ARFGAP3: variants seen among roughly 807,000 people sequenced by gnomAD.
ARFGAP3 encodes ARF GTPase activating protein 3.
A neutral mutation model predicts 75.0 loss-of-function variants in ARFGAP3; 72 were observed. That is an observed-to-expected ratio of 0.96 (90% CI 0.79 to 1.17). The LOEUF is 1.17. Among genes scored for constraint, ARFGAP3 ranks in the 50% most tolerant of loss-of-function variants. ARFGAP3 has a pLI of 0.00. For synonymous variants in ARFGAP3, 221 were observed against 217.9 expected (o/e 1.01, Z -0.13); for missense variants, 620 against 626.6 (o/e 0.99, Z 0.11).
At position 42,857,251 on chromosome 22, in the gene ARFGAP3, C is replaced by T. The variant is rs2146598479; in HGVS notation, c.-69G>A. ...AGAGTCGACGAAAAGCGGCTACCGC[C>T]TCAGCAGGAGCGACGAGGCCGCGGG... On this transcript the variant is annotated 5_prime_UTR_variant, in exon 1 of 16. Transcript: ENST00000263245. 2 of 1,483,676 alleles carry T rather than the reference C, an allele frequency of 1.3e-6. No homozygotes were observed. Among genetic ancestry groups the T allele is most frequent in the South Asian group, 2.5e-5 (2 of 78,696 alleles). 91.9% of individuals were successfully genotyped at this position (1,483,676 alleles called of 1,614,324 possible).
chr22:42,841,065 G>A (rs1055434131), intron 2 of ARFGAP3, 49 bp from the exon 3 acceptor site: 1 of 1,587,504 alleles, frequency 6.3e-7, no homozygotes, highest in African/African-American at 1.4e-5. Context: ...ATCCCCAGGA[G>A]CAAAATCAGT....
At position 42,839,857 on chromosome 22, in the gene ARFGAP3, G is replaced by A. The variant is rs556523886; in HGVS notation, c.261+1087C>T. 6.6e-4 allele frequency among the ~76,000 whole-genome samples: 100 copies of A among 152,116 alleles called. 1 individual carries two copies. The highest frequency in any genetic ancestry group is 1.0e-3 in the Admixed American group (16 of 15,262). ...GCCCCTGTCTATAAGAGGGGATCTT[G>A]ATTATTTTTATTTATAATAAAATAT... On this transcript the variant is annotated intron_variant, in intron 3 of 15. Coordinates refer to ENST00000263245, the MANE Select transcript of ARFGAP3 (RefSeq NM_014570.5).
intron 2 of ARFGAP3, among the ~76,000 whole-genome samples, chr22:42,841,680 T>C (rs1926787607): frequency 6.6e-6 from 1 of 151,850 alleles, no homozygotes; most frequent in Admixed American, 6.6e-5. Flanking sequence ...TCCACAGAAA[T>C]GAGCAAAAAG....
chr22:42,798,655 C>G (rs1924714464), intron 15 of ARFGAP3, among the ~76,000 whole-genome samples: 1 of 151,866 alleles, frequency 6.6e-6, no homozygotes, highest in African/African-American at 2.4e-5. Flanking sequence ...ATATGTATAT[C>G]TTTTTAATCT....
intron 2 of ARFGAP3, among the ~76,000 whole-genome samples, chr22:42,842,256 T>C (rs1244978086): frequency 6.6e-6 from 1 of 151,262 alleles, no homozygotes; most frequent in African/African-American, 2.4e-5. Flanking sequence ...CCACCCACCT[T>C]GGCCTCCCAA....
At chr22:42,843,319 C>T (rs1335793302) in intron 2 of ARFGAP3, among the ~76,000 whole-genome samples, 2 of 152,234 alleles carry the variant, frequency 1.3e-5, no homozygotes, top group Non-Finnish European at 2.9e-5. Flanking sequence ...CAAAAAGTCG[C>T]TACAAAGCAT....
chr22:42,809,548 G>C (rs890876296), intron 12 of ARFGAP3, among the ~76,000 whole-genome samples: 4 of 152,060 alleles, frequency 2.6e-5, no homozygotes, highest in Admixed American at 1.3e-4. Flanking sequence ...CCAGGGGCCA[G>C]GGGCAGGGGA....
intron 11 of ARFGAP3, 47 bp downstream of exon 11, chr22:42,817,095 C>T (rs200097651): frequency 2.3e-6 from 3 of 1,288,302 alleles, no homozygotes; most frequent in Non-Finnish European, 2.3e-6. Flanking sequence ...CCATACTAGT[C>T]ACTGCTTTTC....
chr22:42,841,858 C>T (rs774801625), intron 2 of ARFGAP3, among the ~76,000 whole-genome samples: 13 of 142,640 alleles, frequency 9.1e-5, no homozygotes, highest in Non-Finnish European at 1.5e-5. Context: ...CTTATATTTA[C>T]TAATTTCTTT....
At chr22:42,855,853 C>G (rs2146596097) in intron 1 of ARFGAP3, among the ~76,000 whole-genome samples, 1 of 143,890 alleles carries the variant, frequency 6.9e-6, no homozygotes, top group Admixed American at 7.2e-5. Context: ...GACCCTGTCT[C>G]TACAAAAATT....
chr22:42,836,967 C>T (rs5758972), intron 3 of ARFGAP3, among the ~76,000 whole-genome samples: 68,422 of 152,046 alleles, frequency 0.45, 15,890 homozygotes, highest in Non-Finnish European at 0.48. Context: ...CTGGCTAAAC[C>T]GAATGACCAC....
At chr22:42,811,122 T>C in intron 11 of ARFGAP3, 178 bp from the exon 12 acceptor site, 5 of 563,062 alleles carry the variant, frequency 8.9e-6, no homozygotes, top group Non-Finnish European at 1.1e-5. Context: ...GCCTTTCAAG[T>C]ACCTGTGTTC....
intron 2 of ARFGAP3, among the ~76,000 whole-genome samples, chr22:42,842,011 C>CTTTTTTTTTTTTTTTTTT (rs55825441): frequency 1.1e-5 from 1 of 91,274 alleles, no homozygotes. Flanking sequence ...CCATGCCGGG[C>CTTTTTTTTTTTTTTTTTT]TTTTTTTTTT....
intron 14 of ARFGAP3, 26 bp downstream of exon 14, chr22:42,807,047 A>G: frequency 6.3e-7 from 1 of 1,586,898 alleles, no homozygotes; most frequent in East Asian, 2.2e-5. Flanking sequence ...CATGACAGAG[A>G]CCAGCTCTTG....
At chr22:42,817,316 C>A in intron 10 of ARFGAP3, 52 bp from the exon 11 acceptor site, 1 of 1,541,602 alleles carries the variant, frequency 6.5e-7, no homozygotes, top group Non-Finnish European at 8.7e-7. Flanking sequence ...ACTTTTGTTT[C>A]ACCAAAATAA....
intron 1 of ARFGAP3, among the ~76,000 whole-genome samples, chr22:42,850,045 C>T (rs1222254049): frequency 6.6e-6 from 1 of 152,078 alleles, no homozygotes; most frequent in Non-Finnish European, 1.5e-5. Flanking sequence ...GTATTGCCAG[C>T]TCAAAAATTA....
chr22:42,852,892 A>G (rs1046498125), intron 1 of ARFGAP3, among the ~76,000 whole-genome samples: 2 of 152,008 alleles, frequency 1.3e-5, no homozygotes. Flanking sequence ...AGCCTCCCGA[A>G]CAGCTGAGAT....
At chr22:42,846,756 G>C (rs1269815981) in intron 2 of ARFGAP3, among the ~76,000 whole-genome samples, 1 of 152,176 alleles carries the variant, frequency 6.6e-6, no homozygotes, top group East Asian at 1.9e-4. Context: ...GGAGGACATA[G>C]GACAGACCCA....
At chr22:42,797,873 C>T (rs530849619) in intron 15 of ARFGAP3, among the ~76,000 whole-genome samples, 47 of 152,184 alleles carry the variant, frequency 3.1e-4, no homozygotes, top group Admixed American at 1.1e-3. Flanking sequence ...AGGCAGGGAG[C>T]AAAGTGGGCG....
Sources: allele counts gnomAD v4.1 joint callset (sites outside exome capture counted in the v4.1 genomes callset), GRCh38; gene constraint gnomAD v4.1.1; transcripts MANE v1.5; gene names NCBI Gene and HGNC (gene_info 2026-07-23, HGNC 2026-07-21).